Variants in FIP1L1 observed in about 807,000 individuals in gnomAD.
FIP1L1 encodes the protein pre-mRNA 3'-end-processing factor FIP1.
FIP1L1 carries 21 observed loss-of-function variants against 84.6 expected under a neutral mutation model. The ratio of observed to expected loss-of-function variants is 0.25; its 90% CI spans 0.18 to 0.36. The LOEUF is 0.36. Among genes scored for constraint, FIP1L1 ranks in the 10% least tolerant of loss-of-function variants. The pLI, the probability that FIP1L1 is intolerant of heterozygous loss-of-function variation, is 1.00. For missense variants in FIP1L1, 526 were observed against 751.1 expected, an observed-to-expected ratio of 0.70 and a Z score of 3.50; for synonymous variants, 263 against 242.3, an observed-to-expected ratio of 1.09 and a Z score of -0.80.
intron 13 of FIP1L1, among the ~76,000 whole-genome samples, chr4:53,435,950 G>A (rs912081938): frequency 1.3e-5 from 2 of 152,196 alleles, no homozygotes; most frequent in African/African-American, 4.8e-5. Flanking sequence ...CTCATTTTGA[G>A]TAAAACTTCT....
At chr4:53,412,237 T>C (rs1240740281) in intron 10 of FIP1L1, among the ~76,000 whole-genome samples, 1 of 152,132 alleles carries the variant, frequency 6.6e-6, no homozygotes, top group Non-Finnish European at 1.5e-5. Context: ...CCTTAAGTAC[T>C]TAAGCATGTA....
At chr4:53,402,461 G>C (rs1750787491) in intron 10 of FIP1L1, among the ~76,000 whole-genome samples, 1 of 152,160 alleles carries the variant, frequency 6.6e-6, no homozygotes, top group Non-Finnish European at 1.5e-5. Flanking sequence ...GAGCACTTTG[G>C]GAGGCTGAGA....
chr4:53,395,156 G>T (rs1342006277), intron 9 of FIP1L1, among the ~76,000 whole-genome samples: 3 of 152,158 alleles, frequency 2.0e-5, no homozygotes, highest in Admixed American at 6.5e-5. Flanking sequence ...AATTTTGAGT[G>T]TGTAATCTTG....
intron 10 of FIP1L1, among the ~76,000 whole-genome samples, chr4:53,410,683 A>C (rs377682805): frequency 6.1e-4 from 93 of 152,358 alleles, no homozygotes; most frequent in African/African-American, 2.1e-3. Context: ...ATGCCCATTA[A>C]CATGATGTGT....
At chr4:53,441,851 T>C (rs1772074658) in intron 13 of FIP1L1, among the ~76,000 whole-genome samples, 1 of 151,974 alleles carries the variant, frequency 6.6e-6, no homozygotes, top group African/African-American at 2.4e-5. Flanking sequence ...TTCCTAGTAG[T>C]GAGAGTTGTT....
intron 11 of FIP1L1, among the ~76,000 whole-genome samples, chr4:53,417,715 C>G (rs1368095080): frequency 7.3e-6 from 1 of 136,974 alleles, no homozygotes; most frequent in Admixed American, 7.2e-5. Flanking sequence ...TACTTTTTCT[C>G]TTTGCTACTT....
At chr4:53,428,567 C>T (rs770484997) in intron 13 of FIP1L1, among the ~76,000 whole-genome samples, 3 of 151,188 alleles carry the variant, frequency 2.0e-5, no homozygotes, top group African/African-American at 4.8e-5. Flanking sequence ...TTATATCTTG[C>T]GAAGAGATTG....
Position 53,381,753 on chromosome 4 carries a change from C to CTTTTTTTTTTTTTTTT in FIP1L1, c.171-516_171-501dup, listed in dbSNP as rs531488760. Among the ~76,000 whole-genome samples the CTTTTTTTTTTTTTTTT allele has an allele frequency of 9.4e-3, 828 of 87,786 alleles. 153 individuals are homozygous for CTTTTTTTTTTTTTTTT. Among genetic ancestry groups the CTTTTTTTTTTTTTTTT allele is most frequent in the African/African-American group, 0.012 (223 of 18,022 alleles). The allele number at this position is 87,786 out of a possible 152,430, so 57.6% of individuals were successfully genotyped here. A position where few individuals can be genotyped will look rare whatever the true frequency, so the allele number is the denominator to read the frequency against. On this transcript the variant is annotated intron_variant, in intron 3 of 17. Transcript: ENST00000337488. ...AATAAACTGTGAAGGCATTTGCATT[C>CTTTTTTTTTTTTTTTT]TTTTTTTTTTTTTTTTTTTTTTTTG...
intron 15 of FIP1L1, among the ~76,000 whole-genome samples, chr4:53,452,240 A>G (rs1271904570): frequency 6.6e-6 from 1 of 151,624 alleles, no homozygotes; most frequent in African/African-American, 2.4e-5. Flanking sequence ...TTTTTTGTTG[A>G]TGTTTACAAA....
chr4:53,449,359 T>C (rs1169453569), intron 15 of FIP1L1, among the ~76,000 whole-genome samples: 2 of 152,102 alleles, frequency 1.3e-5, no homozygotes, highest in Non-Finnish European at 2.9e-5. Flanking sequence ...ATCAAATGCT[T>C]TCTGAGATGA....
chr4:53,407,657 G>C (rs931057036), intron 10 of FIP1L1, among the ~76,000 whole-genome samples: 6 of 152,018 alleles, frequency 3.9e-5, no homozygotes, highest in African/African-American at 1.5e-4. Context: ...TCTCTTTGTA[G>C]GTCACTCAGG....
At chr4:53,378,175 T>A in intron 1 of FIP1L1, 1 of 365,178 alleles carries the variant, frequency 2.7e-6, no homozygotes. Context: ...TGACCGGTCC[T>A]GGCCCCCGGC....
rs752768017 is a variant in FIP1L1, at chr4:53,389,864, G to A, written c.388G>A (p.Gly130Arg). 2 of 1,600,396 alleles carry A rather than the reference G, an allele frequency of 1.2e-6. No homozygotes were observed. The highest frequency in any genetic ancestry group is 2.3e-5 in the South Asian group (2 of 87,992). The change falls in exon 6 of 18, where the codon GGA (glycine) becomes AGA (arginine). Residue 130 changes from glycine (G) to arginine (R), a missense_variant. Gly to Arg is a moderately radical substitution (Grantham distance 125). Around this residue, in one of 6 missense-constraint regions of FIP1L1, gnomAD observed 169 missense variants for 206.9 expected, o/e 0.82. Coordinates refer to ENST00000337488, the MANE Select transcript of FIP1L1 (RefSeq NM_030917.4). ...LNIKTGGRVY[G>R]TTGTKVKGVD... ...CATCAAGACAGGGGGAAGAGTTTAT[G>A]GAACTACAGGTAAAATTTGTATTTT...
chr4:53,409,244 G>T (rs1755662341), intron 10 of FIP1L1, among the ~76,000 whole-genome samples: 1 of 152,176 alleles, frequency 6.6e-6, no homozygotes, highest in Non-Finnish European at 1.5e-5. Flanking sequence ...GTCTGTTGGA[G>T]TTTGCTGGAG....
At chr4:53,429,119 T>A (rs1302043911) in intron 13 of FIP1L1, among the ~76,000 whole-genome samples, 1 of 152,196 alleles carries the variant, frequency 6.6e-6, no homozygotes, top group Non-Finnish European at 1.5e-5. Context: ...TATTCATCCT[T>A]GGCCTCTAAA....
At chr4:53,403,753 A>G (rs150617444) in intron 10 of FIP1L1, among the ~76,000 whole-genome samples, 32 of 152,284 alleles carry the variant, frequency 2.1e-4, no homozygotes, top group African/African-American at 7.5e-4. Context: ...GTGGAGGAGT[A>G]TTGGGCTCGT....
chr4:53,426,055 A>T (rs796689520), intron 12 of FIP1L1, 90 bp downstream of exon 12: 8 of 841,172 alleles, frequency 9.5e-6, no homozygotes, highest in Non-Finnish European at 1.3e-5. Flanking sequence ...TCATAGTGCT[A>T]TGCTGTGTTT....
intron 11 of FIP1L1, among the ~76,000 whole-genome samples, chr4:53,421,410 T>C (rs940851290): frequency 1.3e-5 from 2 of 152,222 alleles, no homozygotes; most frequent in African/African-American, 4.8e-5. Flanking sequence ...ATCTTTTCTC[T>C]ATGCTCATAG....
At position 53,428,298 on chromosome 4, in the gene FIP1L1, T is replaced by C. The variant is rs1765122234; in HGVS notation, c.1174+115T>C. On this transcript the variant is annotated intron_variant, in intron 13 of 17. Coordinates refer to ENST00000337488, the MANE Select transcript of FIP1L1 (RefSeq NM_030917.4). ...CACATTTCATTAAAAGTAATAGATA[T>C]AATATCTTCAACAGATTCACACTGA... 1.2e-5 allele frequency: 12 copies of C among 1,009,130 alleles called. 1 individual carries two copies. The South Asian group carries it at 2.5e-4, about 21-fold the overall frequency. 62.5% of individuals were successfully genotyped at this position (1,009,130 alleles called of 1,614,324 possible). A position where few individuals can be genotyped will look rare whatever the true frequency, so the allele number is the denominator to read the frequency against.
Sources: allele counts gnomAD v4.1 joint callset (sites outside exome capture counted in the v4.1 genomes callset), GRCh38; gene constraint gnomAD v4.1.1; regional missense constraint gnomAD v4.1.1; transcripts MANE v1.5; gene names NCBI Gene and HGNC (gene_info 2026-07-23, HGNC 2026-07-21).